MYOM1: variants seen among roughly 807,000 people sequenced by gnomAD.
MYOM1 encodes myomesin 1.
In MYOM1, 164 loss-of-function variants were observed where a neutral mutation model predicts 205.3. The ratio of observed to expected loss-of-function variants is 0.80; its 90% CI spans 0.70 to 0.91. The LOEUF is 0.91. Ranked by LOEUF, MYOM1 falls within the 40% of genes least tolerant of loss-of-function variation. The pLI is 0.00. For missense variants in MYOM1, 2,011 were observed against 2,127.3 expected, an observed-to-expected ratio of 0.95 and a Z score of 1.08; for synonymous variants, 772 against 789.4, an observed-to-expected ratio of 0.98 and a Z score of 0.37.
At position 3,100,214 on chromosome 18, in the gene MYOM1, A is replaced by G. The variant is rs567797564; in HGVS notation, c.3683-11T>C. On this transcript the variant is annotated splice_polypyrimidine_tract_variant and intron_variant, in intron 24 of 37. Coordinates refer to ENST00000356443, the MANE Select transcript of MYOM1 (RefSeq NM_003803.4). ...GTAAACGTTTCAATTCTGTAGGGGG[A>G]AAAAGAAGGCAGTTAAACCTTAAAC... is the stretch of plus-strand genomic sequence containing the variant. The G allele has an allele frequency of 3.1e-6, 5 of 1,613,694 alleles. No individual in the cohort carries two copies. The East Asian group carries it at 1.1e-4, about 36-fold the overall frequency.
intron 21 of MYOM1, among the ~76,000 whole-genome samples, chr18:3,114,459 C>T (rs1343975811): frequency 4.0e-5 from 6 of 150,344 alleles, no homozygotes; most frequent in African/African-American, 1.5e-4. Flanking sequence ...CTCACTGCAG[C>T]TTCCGCCTCC....
intron 8 of MYOM1, among the ~76,000 whole-genome samples, chr18:3,173,456 AACCCTG>A (rs915208224): frequency 5.3e-5 from 8 of 152,120 alleles, no homozygotes; most frequent in Non-Finnish European, 1.2e-4. Context: ...CAGGACACCT[AACCCTG>A]ACTGGGTAGG....
intron 34 of MYOM1, among the ~76,000 whole-genome samples, chr18:3,078,636 A>G (rs921331487): frequency 1.3e-5 from 2 of 151,910 alleles, no homozygotes; most frequent in Admixed American, 6.6e-5. Flanking sequence ...GGGCCTCACT[A>G]TGTTGCCCAG....
chr18:3,111,186 C>T (rs1316189349), intron 22 of MYOM1, among the ~76,000 whole-genome samples: 1 of 146,616 alleles, frequency 6.8e-6, no homozygotes, highest in East Asian at 2.0e-4. Flanking sequence ...CTAGGTTCCT[C>T]CAGCCTCAGC....
chr18:3,111,308 G>T (rs1217232448), intron 22 of MYOM1, among the ~76,000 whole-genome samples: 1 of 142,592 alleles, frequency 7.0e-6, no homozygotes, highest in Non-Finnish European at 1.5e-5. Context: ...AATAATACAG[G>T]TTAAATGATA....
chr18:3,118,898 A>G (rs1380084056), intron 20 of MYOM1, among the ~76,000 whole-genome samples: 1 of 152,152 alleles, frequency 6.6e-6, no homozygotes, highest in Non-Finnish European at 1.5e-5. Context: ...CTTGTTATTC[A>G]CACCTGACAG....
At chr18:3,129,556 C>G in intron 17 of MYOM1, 37 bp from the exon 18 acceptor site, 1 of 1,577,514 alleles carries the variant, frequency 6.3e-7, no homozygotes, top group Non-Finnish European at 8.6e-7. Context: ...CGCATTGAGC[C>G]CGGACAGAGT....
At chr18:3,173,413 A>G (rs1260310185) in intron 8 of MYOM1, among the ~76,000 whole-genome samples, 2 of 152,160 alleles carry the variant, frequency 1.3e-5, no homozygotes, top group African/African-American at 4.8e-5. Context: ...GTACAGCCTC[A>G]CTGACGCTCC....
chr18:3,083,595 A>ATTTTTTTTTTTTTTTTTT (rs59299057), intron 33 of MYOM1, among the ~76,000 whole-genome samples, 194 bp downstream of exon 33: 1 of 107,152 alleles, frequency 9.3e-6, no homozygotes, highest in African/African-American at 3.5e-5. Context: ...CGCCCAGCTC[A>ATTTTTTTTTTTTTTTTTT]TTTTTTTTTT....
chr18:3,149,506 T>C (rs543197973), intron 12 of MYOM1, among the ~76,000 whole-genome samples: 3 of 152,184 alleles, frequency 2.0e-5, no homozygotes, highest in Admixed American at 6.5e-5. Context: ...TCAATATGAA[T>C]CTCCTGGAAC....
At position 3,078,115 on chromosome 18, in the gene MYOM1, C is replaced by T. The variant is rs567830732; in HGVS notation, c.4648+1064G>A. Among the ~76,000 whole-genome samples, 5 of 151,718 alleles carry T rather than the reference C, an allele frequency of 3.3e-5. No individual in the cohort carries two copies. In the South Asian group the frequency reaches 1.0e-3, roughly 32 times the overall value. The stretch of plus-strand genomic sequence containing the variant: ...GGAGTACAGTGGCGTGATCTCAAAT[C>T]ACTGCAACCTCCGCCACATGGGTTC... On this transcript the variant is annotated intron_variant, in intron 34 of 37. Transcript: ENST00000356443.
chr18:3,075,908 C>G, intron 34 of MYOM1, 147 bp from the exon 35 acceptor site: 4 of 698,034 alleles, frequency 5.7e-6, no homozygotes, highest in Non-Finnish European at 1.0e-5. Context: ...TGTGTTCACT[C>G]CACAGCTTAA....
intron 14 of MYOM1, among the ~76,000 whole-genome samples, chr18:3,138,675 T>C (rs1364491288): frequency 6.6e-6 from 1 of 152,218 alleles, no homozygotes; most frequent in Non-Finnish European, 1.5e-5. Context: ...TAAGCTGTTA[T>C]CAGTTGTTTA....
chr18:3,237,468 G>C, the MYOM1 span, among the ~76,000 whole-genome samples: 1 of 151,478 alleles, frequency 6.6e-6, no homozygotes, highest in African/African-American at 2.4e-5. Context: ...GCGTGGTGGC[G>C]GGCACCTGGA....
chr18:3,090,602 A>G, intron 27 of MYOM1, 56 bp downstream of exon 27: 1 of 1,596,346 alleles, frequency 6.3e-7, no homozygotes, highest in Non-Finnish European at 8.6e-7. Context: ...GCCATGGGGT[A>G]CTTAGATTGA....
At chr18:3,145,492 A>C (rs1249324122) in intron 13 of MYOM1, among the ~76,000 whole-genome samples, 1 of 152,212 alleles carries the variant, frequency 6.6e-6, no homozygotes, top group Non-Finnish European at 1.5e-5. Flanking sequence ...ATACTTGGGA[A>C]ATCTGCAAAT....
At chr18:3,136,150 T>A (rs553575940) in intron 14 of MYOM1, among the ~76,000 whole-genome samples, 59 of 152,188 alleles carry the variant, frequency 3.9e-4, no homozygotes, top group African/African-American at 1.1e-3. Flanking sequence ...GTGTAAGACG[T>A]GCCTTTCGCC....
chr18:3,209,180 A>G lies in MYOM1; in HGVS notation c.290+5754T>C, dbSNP rs1235992496. ...TGAATGGTTTTACTATCATCATACCACCTAAAGAGAGTCTCAGAAGATTCA... is the reference window on the plus strand; with the variant it reads ...TGAATGGTTTTACTATCATCATACCGCCTAAAGAGAGTCTCAGAAGATTCA... On this transcript the variant is annotated intron_variant, in intron 2 of 37. Transcript: ENST00000356443. The surrounding 1 kb of genome is among the most constrained non-coding windows in gnomAD (Gnocchi z 4.0). Among the ~76,000 whole-genome samples the G allele has an allele frequency of 6.6e-6, 1 of 152,172 alleles. No individual in the cohort carries two copies. The highest frequency in any genetic ancestry group is 1.5e-5 in the Non-Finnish European group (1 of 68,024).
intron 13 of MYOM1, among the ~76,000 whole-genome samples, chr18:3,142,275 G>GA (rs903305250): frequency 5.9e-5 from 9 of 151,438 alleles, no homozygotes; most frequent in Admixed American, 2.6e-4. Context: ...GTTTTTTTTG[G>GA]AGGGGGGGAA....
Sources: allele counts gnomAD v4.1 joint callset (sites outside exome capture counted in the v4.1 genomes callset), GRCh38; gene constraint gnomAD v4.1.1; non-coding constraint Gnocchi (gnomAD v3.1); transcripts MANE v1.5; gene names NCBI Gene and HGNC (gene_info 2026-07-23, HGNC 2026-07-21).